The following FOXP2 variants were observed in gnomAD, a reference collection of about 807,000 sequenced individuals.
The protein encoded by FOXP2 is forkhead box protein P2.
FOXP2 carries 12 observed loss-of-function variants against 115.8 expected under a neutral mutation model. The observed-to-expected ratio is 0.10, with a 90% confidence interval of 0.07 to 0.17. The LOEUF (loss-of-function observed/expected upper bound fraction) is 0.17, where lower values mean the gene tolerates loss of function less well. FOXP2 is among the 10% of genes least tolerant of loss of function. The pLI, the probability that FOXP2 is intolerant of heterozygous loss-of-function variation, is 1.00. For synonymous variants in FOXP2, 328 were observed against 297.7 expected (o/e 1.10, Z -1.05); for missense variants, 629 against 843.5 (o/e 0.75, Z 3.15).
chr7:114,454,344 G>A (rs949213857), intron 2 of FOXP2, among the ~76,000 whole-genome samples: 1 of 152,098 alleles, frequency 6.6e-6, no homozygotes, highest in Non-Finnish European at 1.5e-5. Context: ...AGTTAGAATG[G>A]CGATCATTAA....
chr7:114,397,473 C>A (rs2129195739), intron 2 of FOXP2, among the ~76,000 whole-genome samples: 1 of 152,058 alleles, frequency 6.6e-6, no homozygotes, highest in South Asian at 2.1e-4. Flanking sequence ...TGGAGGAGCT[C>A]CTTCATACTG....
At chr7:114,264,101 G>A (rs1049486754) in intron 1 of FOXP2, among the ~76,000 whole-genome samples, 1 of 151,998 alleles carries the variant, frequency 6.6e-6, no homozygotes, top group Non-Finnish European at 1.5e-5. Context: ...AGGTGGCTGT[G>A]AGGTCAAAAC....
chr7:114,490,165 A>G (rs1796968407), intron 2 of FOXP2, among the ~76,000 whole-genome samples: 1 of 152,192 alleles, frequency 6.6e-6, no homozygotes. Flanking sequence ...CATGGAAGCA[A>G]CCAAGATGTC....
At chr7:114,677,172 C>CAAAAAAAAAAAA (rs538753120) in intron 16 of FOXP2, among the ~76,000 whole-genome samples, 2 of 52,910 alleles carry the variant, frequency 3.8e-5, no homozygotes, top group African/African-American at 5.8e-5. Flanking sequence ...TCTCAAAAAA[C>CAAAAAAAAAAAA]AAAAAAAAAA....
rs1190124247 is a variant in FOXP2 at position 114,587,880 on chromosome 7, A to ATATATATATATATATATATAT, written c.259-40660_259-40659insTATATATATATATATATATAT. 5.7e-4 allele frequency among the ~76,000 whole-genome samples: 35 copies of ATATATATATATATATATATAT among 61,530 alleles called. 2 individuals are homozygous for ATATATATATATATATATATAT. The highest frequency in any genetic ancestry group is 7.7e-3 in the Middle Eastern group (1 of 130). The allele number at this position is 61,530 out of a possible 152,430, so 40.4% of individuals were successfully genotyped here. The stretch of plus-strand genomic sequence containing the variant: ...TAATTGGGTGAATAAGAGATAATTA[A>ATATATATATATATATATATAT]ATCCACCTTTCTTAGTGCCTTATTA... On this transcript the variant is annotated intron_variant, in intron 3 of 16. Coordinates refer to ENST00000350908, the MANE Select transcript of FOXP2 (RefSeq NM_014491.4).
At chr7:114,410,575 T>C (rs1033747835), upstream of FOXP2, among the ~76,000 whole-genome samples, 8 of 152,162 alleles carry the variant, frequency 5.3e-5, no homozygotes, top group African/African-American at 1.7e-4. Context: ...ATAAATATTT[T>C]CCTTTTTGTT....
intron 2 of FOXP2, among the ~76,000 whole-genome samples, chr7:114,337,161 T>C (rs538148017): frequency 1.2e-4 from 18 of 151,624 alleles, no homozygotes; most frequent in Admixed American, 7.2e-4. Context: ...AATGTCTTTA[T>C]ATATAATGGT....
chr7:114,620,363 C>G (rs772228512), intron 3 of FOXP2, among the ~76,000 whole-genome samples: 1 of 152,012 alleles, frequency 6.6e-6, no homozygotes, highest in Non-Finnish European at 1.5e-5. Flanking sequence ...TAATTGGATC[C>G]TAACTGCCAG....
At chr7:114,424,728 C>T (rs910521754) in intron 1 of FOXP2, among the ~76,000 whole-genome samples, 1 of 151,194 alleles carries the variant, frequency 6.6e-6, no homozygotes, top group Non-Finnish European at 1.5e-5. Context: ...TTTAGCAAAA[C>T]CTATTTGTTT....
chr7:114,166,164 A>T, intron 1 of FOXP2, among the ~76,000 whole-genome samples: 1 of 152,212 alleles, frequency 6.6e-6, no homozygotes, highest in Admixed American at 6.5e-5. Context: ...TCTAGAAGAT[A>T]ACATAGAAGA....
rs749793520 is a variant in FOXP2 at position 114,691,688 on chromosome 7, T to G, written c.*1762T>G. ...CAACCAAGGGACCTCATAACCTGAT[T>G]ATGGTTATTGCTTTACAAACAGTTT... On this transcript the variant is annotated 3_prime_UTR_variant, in exon 17 of 17. Coordinates refer to ENST00000350908, the MANE Select transcript of FOXP2 (RefSeq NM_014491.4). The G allele has an allele frequency of 6.6e-6, 3 of 454,040 alleles. No individual in the cohort carries two copies. Among genetic ancestry groups the G allele is most frequent in the Non-Finnish European group, 1.3e-5 (3 of 226,718 alleles). The allele number at this position is 454,040 out of a possible 1,614,324, so 28.1% of individuals were successfully genotyped here.
At chr7:114,274,411 C>T (rs1024258421) in intron 1 of FOXP2, among the ~76,000 whole-genome samples, 9 of 152,056 alleles carry the variant, frequency 5.9e-5, no homozygotes, top group Admixed American at 2.0e-4. Flanking sequence ...CTCTTCCTTT[C>T]TTTATGTAAA....
At chr7:114,453,934 T>A (rs1795175920) in intron 2 of FOXP2, among the ~76,000 whole-genome samples, 2 of 151,948 alleles carry the variant, frequency 1.3e-5, no homozygotes, top group South Asian at 4.1e-4. Context: ...AACCTAGGCA[T>A]TACCATTCAG....
chr7:114,612,312 A>G (rs1803673397), intron 3 of FOXP2, among the ~76,000 whole-genome samples: 1 of 152,006 alleles, frequency 6.6e-6, no homozygotes, highest in African/African-American at 2.4e-5. Context: ...TCATGTGGGA[A>G]GAATAACTAG....
intron 1 of FOXP2, among the ~76,000 whole-genome samples, chr7:114,097,915 G>T (rs567986855): frequency 6.6e-6 from 1 of 152,144 alleles, no homozygotes; most frequent in Non-Finnish European, 1.5e-5. Flanking sequence ...ACAAATAATT[G>T]AAGAATCCTA....
chr7:114,482,672 TA>T (rs1158607591), intron 2 of FOXP2, among the ~76,000 whole-genome samples: 1 of 151,582 alleles, frequency 6.6e-6, no homozygotes, highest in Non-Finnish European at 1.5e-5. Flanking sequence ...CATGTAGATA[TA>T]AATATTTTTA....
intron 2 of FOXP2, among the ~76,000 whole-genome samples, chr7:114,308,825 G>A (rs1797075960): frequency 6.6e-6 from 1 of 152,204 alleles, no homozygotes; most frequent in Non-Finnish European, 1.5e-5. Flanking sequence ...CATGGCCAGA[G>A]TTGGCTGATT....
chr7:114,644,635 A>C (rs746016390), intron 7 of FOXP2, 50 bp from the exon 8 acceptor site: 14 of 1,514,334 alleles, frequency 9.2e-6, no homozygotes, highest in Non-Finnish European at 1.2e-5. Context: ...GCAGCCTGCA[A>C]CGATTATAGC....
At chr7:114,429,030 T>A (rs1793992179) in intron 2 of FOXP2, among the ~76,000 whole-genome samples, 1 of 151,522 alleles carries the variant, frequency 6.6e-6, no homozygotes, top group Non-Finnish European at 1.5e-5. Context: ...AAAGTAAAAT[T>A]TTGTTTGCCG....
Sources: allele counts gnomAD v4.1 joint callset (sites outside exome capture counted in the v4.1 genomes callset), GRCh38; gene constraint gnomAD v4.1.1; transcripts MANE v1.5; gene names NCBI Gene and HGNC (gene_info 2026-07-23, HGNC 2026-07-21).